Variants in GMDS observed in about 807,000 individuals in gnomAD.
GMDS encodes the protein GDP-mannose 4,6-dehydratase.
In GMDS, 20 loss-of-function variants were observed where a neutral mutation model predicts 49.9. The observed-to-expected ratio is 0.40, with a 90% confidence interval of 0.28 to 0.58. The LOEUF is 0.58. Ranked by LOEUF, GMDS falls within the 20% of genes least tolerant of loss-of-function variation. GMDS has a pLI of 0.42. For missense variants in GMDS, 362 were observed against 481.4 expected (o/e 0.75, Z 2.32); for synonymous variants, 177 against 178.6 (o/e 0.99, Z 0.07).
intron 7 of GMDS, among the ~76,000 whole-genome samples, chr6:1,897,148 C>T (rs565795395): frequency 7.9e-5 from 12 of 152,288 alleles, no homozygotes; most frequent in East Asian, 3.9e-4. Context: ...AAGATCAAGA[C>T]GCCACAGGTT....
At chr6:2,088,004 A>C (rs1013251235) in intron 4 of GMDS, among the ~76,000 whole-genome samples, 1 of 152,172 alleles carries the variant, frequency 6.6e-6, no homozygotes, top group Non-Finnish European at 1.5e-5. Context: ...CTTAACAATT[A>C]ATTCAGCATT....
At chr6:2,233,041 G>C (rs535354779) in intron 1 of GMDS, among the ~76,000 whole-genome samples, 4 of 152,208 alleles carry the variant, frequency 2.6e-5, no homozygotes, top group African/African-American at 9.6e-5. Flanking sequence ...CTCTCCTTCC[G>C]GAGTGATCAA....
intron 4 of GMDS, among the ~76,000 whole-genome samples, chr6:2,005,533 C>T (rs1767106672): frequency 2.0e-5 from 3 of 152,174 alleles, no homozygotes; most frequent in Admixed American, 1.3e-4. Context: ...CATTTTCCAT[C>T]AGAAATCTTG....
intron 4 of GMDS, among the ~76,000 whole-genome samples, chr6:1,980,472 A>G (rs1425869389): frequency 6.6e-6 from 1 of 152,144 alleles, no homozygotes; most frequent in Non-Finnish European, 1.5e-5. Flanking sequence ...ATAATGGTAA[A>G]GGGCTCAATT....
At chr6:2,200,859 C>A (rs1779490744) in intron 1 of GMDS, among the ~76,000 whole-genome samples, 1 of 142,034 alleles carries the variant, frequency 7.0e-6, no homozygotes, top group Non-Finnish European at 1.5e-5. Context: ...AGCATGTTAG[C>A]AGAGAGGTGA....
At chr6:2,022,491 T>C (rs1443114254) in intron 4 of GMDS, among the ~76,000 whole-genome samples, 1 of 152,186 alleles carries the variant, frequency 6.6e-6, no homozygotes, top group African/African-American at 2.4e-5. Flanking sequence ...TCAATGATTT[T>C]TAAAATTCAA....
At chr6:2,074,758 C>T (rs1458992994) in intron 4 of GMDS, among the ~76,000 whole-genome samples, 1 of 152,122 alleles carries the variant, frequency 6.6e-6, no homozygotes, top group Non-Finnish European at 1.5e-5. Flanking sequence ...CCTGATTCAG[C>T]CTCTCAAAGT....
chr6:2,112,549 C>A (rs1029848262), intron 4 of GMDS, among the ~76,000 whole-genome samples: 1 of 152,098 alleles, frequency 6.6e-6, no homozygotes, highest in Non-Finnish European at 1.5e-5. Flanking sequence ...TGAAGAGAGG[C>A]CTGGCAACCC....
chr6:2,096,447 A>G (rs564707252), intron 4 of GMDS, among the ~76,000 whole-genome samples: 1 of 152,274 alleles, frequency 6.6e-6, no homozygotes, highest in Non-Finnish European at 1.5e-5. Context: ...TTTAAGCACA[A>G]CCTAGTCAGG....
intron 7 of GMDS, among the ~76,000 whole-genome samples, chr6:1,825,248 A>G (rs910940828): frequency 1.3e-5 from 2 of 152,218 alleles, no homozygotes; most frequent in Non-Finnish European, 2.9e-5. Flanking sequence ...CCTTCAAAAC[A>G]TCATGACTCT....
At chr6:1,898,015 CT>C (rs1301119695) in intron 7 of GMDS, among the ~76,000 whole-genome samples, 1 of 125,580 alleles carries the variant, frequency 8.0e-6, no homozygotes. Context: ...CTACCCTGGC[CT>C]CCCTTGCCAT....
chr6:2,164,748 C>T (rs1173293518), intron 1 of GMDS, among the ~76,000 whole-genome samples: 2 of 152,196 alleles, frequency 1.3e-5, no homozygotes, highest in Non-Finnish European at 2.9e-5. Context: ...GTTTTTTAGC[C>T]ATTTCAGCCC....
intron 4 of GMDS, among the ~76,000 whole-genome samples, chr6:1,977,614 T>A (rs1764981969): frequency 1.3e-5 from 2 of 151,908 alleles, no homozygotes; most frequent in South Asian, 4.2e-4. Context: ...CCATGGAGAA[T>A]GAAGAAAAGC....
rs148323285 is a variant in GMDS at position 1,800,247 on chromosome 6, G to A, written c.772-57661C>T. ...TGGAAATAAAGAAGCTTCCGATTCT[G>A]AGAACTCTGGTTGTGAACCCTAGCA... On this transcript the variant is annotated intron_variant, in intron 7 of 10. Coordinates refer to ENST00000380815, the MANE Select transcript of GMDS (RefSeq NM_001500.4). Among the ~76,000 whole-genome samples, 1,191 of 152,334 alleles carry A rather than the reference G, an allele frequency of 7.8e-3. 16 individuals are homozygous for A. Among genetic ancestry groups the A allele is most frequent in the African/African-American group, 0.027 (1,142 of 41,568 alleles).
intron 8 of GMDS, among the ~76,000 whole-genome samples, chr6:1,737,849 G>C (rs572549581): frequency 9.8e-6 from 1 of 102,202 alleles, no homozygotes; most frequent in Non-Finnish European, 1.9e-5. Flanking sequence ...ACAGATACGC[G>C]CACAGATATG....
chr6:1,850,745 G>A (rs1246273004), intron 7 of GMDS, among the ~76,000 whole-genome samples: 6 of 152,156 alleles, frequency 3.9e-5, no homozygotes, highest in Non-Finnish European at 8.8e-5. Context: ...TATTCCAGAC[G>A]CAGTCAATGA....
intron 1 of GMDS, among the ~76,000 whole-genome samples, chr6:2,149,779 A>G (rs996568397): frequency 6.6e-6 from 1 of 152,162 alleles, no homozygotes; most frequent in Non-Finnish European, 1.5e-5. Flanking sequence ...CCAGAACCCA[A>G]CGGTGACTAT....
intron 7 of GMDS, among the ~76,000 whole-genome samples, chr6:1,895,729 T>C: frequency 6.6e-6 from 1 of 152,224 alleles, no homozygotes. Flanking sequence ...CCTGTCAGTT[T>C]GAAACTAGTA....
At chr6:1,866,634 T>C (rs926714886) in intron 7 of GMDS, among the ~76,000 whole-genome samples, 4 of 152,232 alleles carry the variant, frequency 2.6e-5, no homozygotes, top group African/African-American at 9.6e-5. Flanking sequence ...TTTACAAATG[T>C]AGTAGTTACA....
Sources: gnomAD v4.1 joint callset for allele counts (sites outside exome capture counted in the v4.1 genomes callset) on GRCh38, gnomAD v4.1.1 for gene constraint, MANE v1.5 for transcripts, NCBI Gene and HGNC (gene_info 2026-07-23, HGNC 2026-07-21) for gene names.